The following GUCY2C variants were observed in gnomAD, a reference collection of about 807,000 sequenced individuals.
The protein encoded by GUCY2C is guanylyl cyclase C.
Under a neutral mutation model 131.1 loss-of-function variants are expected in GUCY2C, and 118 were observed. The observed-to-expected ratio is 0.90, with a 90% CI of 0.78 to 1.05. The LOEUF (loss-of-function observed/expected upper bound fraction) is 1.05, where lower values mean the gene tolerates loss of function less well. Ranked by LOEUF, GUCY2C falls within the 50% of genes least tolerant of loss-of-function variation. The pLI, the probability that GUCY2C is intolerant of heterozygous loss-of-function variation, is 0.00. For missense variants in GUCY2C, 1,161 were observed against 1,304.4 expected (o/e 0.89, Z 1.69); for synonymous variants, 452 against 457.8 (o/e 0.99, Z 0.16).
In GUCY2C at chr12:14,676,911, C is replaced by T. The variant is rs1366037917; in HGVS notation, c.891G>A (p.Leu297=). Residue 297 remains leucine, a synonymous_variant, in exon 7 of 27, where the codon CTG becomes CTA. Coordinates refer to ENST00000261170, the MANE Select transcript of GUCY2C (RefSeq NM_004963.4). ...GAAGGGAATTCCCAGGAGACAGCGTCAGAACAAGGACATTTTTCATATAGT... is the reference window on the plus strand; with the variant it reads ...GAAGGGAATTCCCAGGAGACAGCGTTAGAACAAGGACATTTTTCATATAGT... ...APDYMKNVLV[L]TLSPGNSLLN... 4 of 1,575,712 alleles carry T rather than the reference C, an allele frequency of 2.5e-6. No homozygotes were observed. The highest frequency in any genetic ancestry group is 3.5e-6 in the Non-Finnish European group (4 of 1,153,548).
At chr12:14,640,969 AT>A in intron 18 of GUCY2C, 112 bp downstream of exon 18, 1 of 903,064 alleles carries the variant, frequency 1.1e-6, no homozygotes, top group African/African-American at 1.6e-5. Context: ...GAAATCATTA[AT>A]TTTGCATTTG....
At chr12:14,666,501 G>A (rs1947982633) in intron 10 of GUCY2C, among the ~76,000 whole-genome samples, 1 of 152,266 alleles carries the variant, frequency 6.6e-6, no homozygotes, top group South Asian at 2.1e-4. Context: ...TTGGGAGGCC[G>A]AGGCAGGCGG....
intron 10 of GUCY2C, 113 bp from the exon 11 acceptor site, chr12:14,661,175 T>A (rs1947860064): frequency 6.1e-6 from 4 of 652,834 alleles, no homozygotes; most frequent in East Asian, 2.8e-5. Flanking sequence ...TTTAAAAAAA[T>A]TTATTTTTTA....
chr12:14,680,448 C>T (rs1948327068), intron 5 of GUCY2C, among the ~76,000 whole-genome samples: 1 of 152,144 alleles, frequency 6.6e-6, no homozygotes, highest in South Asian at 2.1e-4. Context: ...TTCTTTCCCA[C>T]CATATCTTGG....
rs147737760 is a variant in GUCY2C at position 14,617,806 on chromosome 12, C to T, written c.2876-1079G>A. 2.0e-4 allele frequency among the ~76,000 whole-genome samples: 31 copies of T among 152,274 alleles called. 1 individual carries two copies. Among genetic ancestry groups the T allele is most frequent in the Admixed American group, 7.8e-4 (12 of 15,290 alleles). ...AATTATTTCAGAAACCCTCTTGGCA[C>T]GGTTGGTATTCCATTTTCAATTTGT... On this transcript the variant is annotated intron_variant, in intron 24 of 26. Transcript: ENST00000261170.
chr12:14,651,570 A>T, intron 14 of GUCY2C, 59 bp from the exon 15 acceptor site: 1 of 830,450 alleles, frequency 1.2e-6, no homozygotes, highest in South Asian at 1.4e-5. Flanking sequence ...CAAAGTAAAA[A>T]TTAATATGCC....
intron 12 of GUCY2C, 88 bp downstream of exon 12, chr12:14,656,424 A>G (rs2137046566): frequency 2.8e-6 from 2 of 702,910 alleles, no homozygotes; most frequent in South Asian, 1.8e-5. Flanking sequence ...AACTATCCCT[A>G]CTTGGCACAT....
intron 20 of GUCY2C, 34 bp downstream of exon 20, chr12:14,628,612 A>C (rs1175923166): frequency 9.4e-7 from 1 of 1,063,208 alleles, no homozygotes; most frequent in Non-Finnish European, 1.5e-6. Flanking sequence ...AAAACCCTGC[A>C]ATTAGTGAAT....
rs747951761 is a variant in GUCY2C at position 14,653,009 on chromosome 12, A to G, written c.1476T>C (p.Asp492=). The G allele has an allele frequency of 5.6e-6, 9 of 1,609,548 alleles. No homozygotes were observed. The South Asian group carries it at 6.6e-5, about 12-fold the overall frequency. ...GGATTGTATCTCGTCTTTTGTCATC[A>G]TCGATCTGGCACAAGAAAAGGCTAA... ...NETNHVSLKI[D]DDKRRDTIQR... Residue 492 remains aspartate (D), a synonymous_variant, in exon 13 of 27, where the codon GAT becomes GAC. Coordinates refer to ENST00000261170, the MANE Select transcript of GUCY2C (RefSeq NM_004963.4).
At position 14,621,994 on chromosome 12, in the gene GUCY2C, G is replaced by A; in HGVS notation, c.2601+11C>T. 1 of 1,567,134 alleles carries A rather than the reference G, an allele frequency of 6.4e-7. No individual in the cohort carries two copies. Among genetic ancestry groups the A allele is most frequent in the Non-Finnish European group, 8.7e-7 (1 of 1,155,244 alleles). On this transcript the variant is annotated intron_variant, in intron 22 of 26. Coordinates refer to ENST00000261170, the MANE Select transcript of GUCY2C (RefSeq NM_004963.4). ...AATTAATGGTTTCAGCCTGTTAGGT[G>A]ATGTGGTTACCTTGTAGACATCATG...
chr12:14,620,872 TG>T lies in GUCY2C; in HGVS notation c.2776+169del, dbSNP rs199905829. ...CTTGTTCTTAGAGTTCTCTAGGAAC[TG>T]GGTCTAAATATCTCAGGATGCATAG... On this transcript the variant is annotated intron_variant, in intron 23 of 26. Transcript: ENST00000261170. 2.8e-3 allele frequency among the ~76,000 whole-genome samples: 421 copies of T among 152,316 alleles called. 3 individuals carry two copies. The highest frequency in any genetic ancestry group is 9.8e-3 in the African/African-American group (408 of 41,574).
intron 24 of GUCY2C, among the ~76,000 whole-genome samples, chr12:14,617,274 T>C (rs1022571688): frequency 1.8e-4 from 28 of 152,324 alleles, no homozygotes; most frequent in African/African-American, 6.0e-4. Flanking sequence ...TTTTTCTTTA[T>C]AGCAATGCAA....
rs145978328 is a variant in GUCY2C, at chr12:14,694,955, A to C, written c.217+1277T>G. 1.7e-3 allele frequency among the ~76,000 whole-genome samples: 263 copies of C among 152,332 alleles called. 1 individual carries two copies. Among genetic ancestry groups the C allele is most frequent in the Middle Eastern group, 3.4e-3 (1 of 294 alleles). On this transcript the variant is annotated intron_variant, in intron 1 of 26. Coordinates refer to ENST00000261170, the MANE Select transcript of GUCY2C (RefSeq NM_004963.4). ...ATTTAAAACAAATGAAATATCCTAC[A>C]TCAGAGAATTATTTTATATATATCT... is the stretch of plus-strand genomic sequence containing the variant.
At chr12:14,627,771 GA>G (rs900430856) in intron 20 of GUCY2C, among the ~76,000 whole-genome samples, 10 of 149,836 alleles carry the variant, frequency 6.7e-5, no homozygotes, top group Admixed American at 2.0e-4. Context: ...ACAGCGAGGA[GA>G]AAAAAAAAGG....
chr12:14,615,536 T>C (rs1261428587), intron 25 of GUCY2C, among the ~76,000 whole-genome samples: 3 of 151,566 alleles, frequency 2.0e-5, no homozygotes, highest in Non-Finnish European at 4.4e-5. Flanking sequence ...ACAAAATACA[T>C]ATGGCCCAAA....
In GUCY2C at chr12:14,674,658, A is replaced by G. The variant is rs1383870949; in HGVS notation, c.1051T>C (p.Phe351Leu). 6.2e-7 allele frequency: 1 copy of G among 1,613,656 alleles called. No individual in the cohort carries two copies. The highest frequency in any genetic ancestry group is 2.2e-5 in the East Asian group (1 of 44,862). Residue 351 changes from phenylalanine (F) to leucine (L), a missense_variant, in exon 8 of 27, where the codon TTT becomes CTT. Phe to Leu is a conservative substitution (Grantham distance 22). Transcript: ENST00000261170. Reference sequence around the variant, plus strand: ...GTGAGATTCCTGAAAGCATGAGCAAATTTGGGGGTGGTAATATTTTCTCCA... The same window carrying G: ...GTGAGATTCCTGAAAGCATGAGCAAGTTTGGGGGTGGTAATATTTTCTCCA... ...ENGENITTPK[F>L]AHAFRNLTFE... is the part of the protein sequence containing the mutation.
chr12:14,648,576 T>C (rs939622309), intron 15 of GUCY2C, among the ~76,000 whole-genome samples: 1 of 152,240 alleles, frequency 6.6e-6, no homozygotes, highest in Non-Finnish European at 1.5e-5. Flanking sequence ...ACAACAATTA[T>C]GTAATCCTCT....
rs563860495 is a variant in GUCY2C at position 14,656,741 on chromosome 12, C to A, written c.1365-124G>T. 7.1e-5 allele frequency: 37 copies of A among 520,550 alleles called. 1 individual carries two copies. The South Asian group carries it at 8.4e-4, about 12-fold the overall frequency. 32.2% of individuals were successfully genotyped at this position (520,550 alleles called of 1,614,324 possible). On this transcript the variant is annotated intron_variant, in intron 11 of 26. Coordinates refer to ENST00000261170, the MANE Select transcript of GUCY2C (RefSeq NM_004963.4). Reference sequence around the variant, plus strand: ...TAGATATGTGTGAGGGAAGGTAGCCCAATGACAGAACACCATGTCCTCCAA... The same window carrying A: ...TAGATATGTGTGAGGGAAGGTAGCCAAATGACAGAACACCATGTCCTCCAA...
chr12:14,665,754 C>G (rs1947965938), intron 10 of GUCY2C: 1 of 152,146 alleles, frequency 6.6e-6, no homozygotes, highest in Non-Finnish European at 1.5e-5. Context: ...AATGAAAGAA[C>G]AGGGATGGTG....
Sources: gnomAD v4.1 joint callset for allele counts (sites outside exome capture counted in the v4.1 genomes callset) on GRCh38, gnomAD v4.1.1 for gene constraint, MANE v1.5 for transcripts, NCBI Gene and HGNC (gene_info 2026-07-23, HGNC 2026-07-21) for gene names.